RIMS1: variants seen among roughly 807,000 people sequenced by gnomAD.
The protein encoded by RIMS1 is regulating synaptic membrane exocytosis 1.
A neutral mutation model predicts 214.1 loss-of-function variants in RIMS1; 83 were observed. That is an observed-to-expected ratio of 0.39 (90% CI 0.32 to 0.47). The LOEUF is 0.47. RIMS1 is among the 20% of genes least tolerant of loss of function. RIMS1 has a pLI of 0.99. For synonymous variants in RIMS1, 793 were observed against 786.8 expected, an observed-to-expected ratio of 1.01 and a Z score of -0.13; for missense variants, 2,050 against 2,161.8, an observed-to-expected ratio of 0.95 and a Z score of 1.03.
intron 26 of RIMS1, among the ~76,000 whole-genome samples, chr6:72,297,106 T>G (rs1465528985): frequency 2.0e-5 from 3 of 151,992 alleles, no homozygotes; most frequent in Non-Finnish European, 4.4e-5. Flanking sequence ...ACTATACATA[T>G]ATATATTATT....
intron 4 of RIMS1, among the ~76,000 whole-genome samples, chr6:72,143,674 T>C (rs189549559): frequency 3.3e-5 from 5 of 152,328 alleles, no homozygotes; most frequent in Admixed American, 2.0e-4. Flanking sequence ...TGGTATTTAG[T>C]TGATGTTTAG....
intron 2 of RIMS1, among the ~76,000 whole-genome samples, chr6:72,050,195 G>A (rs1824232155): frequency 6.6e-6 from 1 of 152,134 alleles, no homozygotes; most frequent in Admixed American, 6.6e-5. Context: ...GTTCTTGACT[G>A]TGGCAGAGAT....
At chr6:72,214,579 A>G (rs918884023) in intron 6 of RIMS1, among the ~76,000 whole-genome samples, 1 of 152,206 alleles carries the variant, frequency 6.6e-6, no homozygotes, top group Non-Finnish European at 1.5e-5. Context: ...CATACTGGAT[A>G]ATAAACAAGA....
intron 1 of RIMS1, among the ~76,000 whole-genome samples, chr6:71,935,150 A>G (rs1483941398): frequency 6.6e-6 from 1 of 152,194 alleles, no homozygotes; most frequent in African/African-American, 2.4e-5. Context: ...GAGTGAGACA[A>G]AAATTAACCT....
intron 2 of RIMS1, among the ~76,000 whole-genome samples, chr6:71,998,328 T>C (rs538272944): frequency 4.4e-4 from 67 of 152,282 alleles, no homozygotes; most frequent in Admixed American, 1.4e-3. Flanking sequence ...GTTTCCTTTG[T>C]TCAGAAGGAG....
intron 23 of RIMS1, among the ~76,000 whole-genome samples, chr6:72,282,753 A>G (rs894834626): frequency 8.5e-5 from 13 of 152,146 alleles, no homozygotes; most frequent in Admixed American, 7.2e-4. Context: ...TATCCCCCTC[A>G]GTGCCTGACA....
At chr6:72,080,346 A>G (rs1444757575) in intron 2 of RIMS1, among the ~76,000 whole-genome samples, 4 of 152,164 alleles carry the variant, frequency 2.6e-5, no homozygotes, top group Non-Finnish European at 5.9e-5. Context: ...TGGGAGAGTT[A>G]AAGCAAGGTA....
intron 10 of RIMS1, among the ~76,000 whole-genome samples, chr6:72,244,316 A>C (rs1470746571): frequency 6.6e-6 from 1 of 151,850 alleles, no homozygotes; most frequent in African/African-American, 2.4e-5. Flanking sequence ...ATATGTAAAC[A>C]TCCAGTGGAA....
intron 4 of RIMS1, among the ~76,000 whole-genome samples, chr6:72,170,197 C>T (rs1183138743): frequency 9.0e-6 from 1 of 111,514 alleles, no homozygotes; most frequent in Non-Finnish European, 1.8e-5. Context: ...ACTCAAATAT[C>T]ACTTTCTCAA....
chr6:71,937,257 T>A (rs897396372), intron 1 of RIMS1, among the ~76,000 whole-genome samples: 14 of 152,188 alleles, frequency 9.2e-5, no homozygotes, highest in Non-Finnish European at 1.5e-4. Context: ...AAATTTTTTT[T>A]AATTTAATTA....
intron 28 of RIMS1, among the ~76,000 whole-genome samples, chr6:72,318,161 CCACA>C (rs1323340602): frequency 6.6e-6 from 1 of 152,036 alleles, no homozygotes; most frequent in African/African-American, 2.4e-5. Context: ...TTTTTTCTGA[CCACA>C]CAATCTCTAT....
At chr6:72,344,729 T>C (rs1022425013) in intron 29 of RIMS1, among the ~76,000 whole-genome samples, 1 of 151,784 alleles carries the variant, frequency 6.6e-6, no homozygotes, top group African/African-American at 2.4e-5. Flanking sequence ...CTACTGTTAA[T>C]AGAGATTCAA....
intron 26 of RIMS1, among the ~76,000 whole-genome samples, chr6:72,292,791 T>C (rs2154254027): frequency 6.6e-6 from 1 of 152,254 alleles, no homozygotes; most frequent in East Asian, 1.9e-4. Context: ...ATCAGGAATT[T>C]GGTAAGCAAT....
At chr6:72,095,625 A>G (rs1423025697) in intron 2 of RIMS1, among the ~76,000 whole-genome samples, 1 of 152,234 alleles carries the variant, frequency 6.6e-6, no homozygotes. Context: ...AAGGGATTTG[A>G]GAATTTTTAA....
intron 2 of RIMS1, among the ~76,000 whole-genome samples, chr6:71,981,068 A>G (rs1798362495): frequency 6.6e-6 from 1 of 152,140 alleles, no homozygotes; most frequent in Admixed American, 6.6e-5. Flanking sequence ...AAAAAGAAAA[A>G]GAGCACACAT....
rs377189204 is a variant in RIMS1 at position 72,187,121 on chromosome 6, G to A, written c.1678+3972G>A. ...AGCCTGGGCGATAGAGCGAGACCCCGTCAAGAAGGAAAGAGAGAAGGAGAG... is the reference window on the plus strand; with the variant it reads ...AGCCTGGGCGATAGAGCGAGACCCCATCAAGAAGGAAAGAGAGAAGGAGAG... On this transcript the variant is annotated intron_variant, in intron 6 of 33. Transcript: ENST00000521978. Among the ~76,000 whole-genome samples the A allele has an allele frequency of 2.6e-5, 4 of 152,030 alleles. No individual in the cohort carries two copies. In the East Asian group the frequency reaches 5.8e-4, roughly 22 times the overall value.
chr6:72,371,460 A>G (rs997441228), intron 29 of RIMS1, among the ~76,000 whole-genome samples: 2 of 152,188 alleles, frequency 1.3e-5, no homozygotes, highest in African/African-American at 4.8e-5. Context: ...TGCTCTACTT[A>G]AAAGAGACAA....
chr6:72,027,538 A>G (rs533513738), intron 2 of RIMS1, among the ~76,000 whole-genome samples: 3 of 152,292 alleles, frequency 2.0e-5, no homozygotes, highest in African/African-American at 7.2e-5. Flanking sequence ...TTCCCTTTTT[A>G]CATGACCTGT....
chr6:72,038,541 A>T (rs1008641994), intron 2 of RIMS1, among the ~76,000 whole-genome samples: 8 of 152,114 alleles, frequency 5.3e-5, no homozygotes, highest in Non-Finnish European at 1.0e-4. Context: ...ACCACTGAAC[A>T]TTTATAAGCT....
Sources: gnomAD v4.1 joint callset for allele counts (sites outside exome capture counted in the v4.1 genomes callset) on GRCh38, gnomAD v4.1.1 for gene constraint, MANE v1.5 for transcripts, NCBI Gene and HGNC (gene_info 2026-07-23, HGNC 2026-07-21) for gene names.